The following HS6ST3 variants were observed in gnomAD, a reference collection of about 807,000 sequenced individuals.
HS6ST3 encodes heparan-sulfate 6-O-sulfotransferase 3.
HS6ST3 carries 12 observed loss-of-function variants against 36.7 expected under a neutral mutation model. That is an observed-to-expected ratio of 0.33 (90% CI 0.21 to 0.53). The LOEUF is 0.53. Among genes scored for constraint, HS6ST3 ranks in the 20% least tolerant of loss-of-function variants. HS6ST3 has a pLI of 0.95. For synonymous variants in HS6ST3, 240 were observed against 257.5 expected, an observed-to-expected ratio of 0.93 and a Z score of 0.65; for missense variants, 584 against 640.9, an observed-to-expected ratio of 0.91 and a Z score of 0.96.
chr13:96,111,585 T>G (rs116698222), intron 1 of HS6ST3, among the ~76,000 whole-genome samples: 2,483 of 152,346 alleles, frequency 0.016, 59 homozygotes, highest in African/African-American at 0.057. Flanking sequence ...AGGAATTTTT[T>G]GCTTAAAGGG....
chr13:96,416,722 G>T, intron 1 of HS6ST3, among the ~76,000 whole-genome samples: 1 of 146,652 alleles, frequency 6.8e-6, no homozygotes, highest in African/African-American at 2.5e-5. Flanking sequence ...GGGCTTGCCT[G>T]CTTGCTTATC....
At chr13:96,432,900 G>A (rs2055622444) in intron 1 of HS6ST3, among the ~76,000 whole-genome samples, 1 of 152,154 alleles carries the variant, frequency 6.6e-6, no homozygotes, top group African/African-American at 2.4e-5. Flanking sequence ...ACTGGCAAAT[G>A]TATAAAATAA....
intron 1 of HS6ST3, among the ~76,000 whole-genome samples, chr13:96,177,275 A>G (rs2054216957): frequency 6.6e-6 from 1 of 152,200 alleles, no homozygotes; most frequent in South Asian, 2.1e-4. Flanking sequence ...TACTGGGTAT[A>G]TACTCAGATT....
intron 1 of HS6ST3, among the ~76,000 whole-genome samples, chr13:96,447,702 C>T (rs992150642): frequency 5.9e-5 from 9 of 152,110 alleles, no homozygotes; most frequent in South Asian, 2.1e-4. Flanking sequence ...TCTAGGGCTA[C>T]GTGAATGACA....
At chr13:96,614,979 A>G (rs1192674674) in intron 1 of HS6ST3, among the ~76,000 whole-genome samples, 1 of 152,184 alleles carries the variant, frequency 6.6e-6, no homozygotes, top group Non-Finnish European at 1.5e-5. Context: ...ATCTGAGGGT[A>G]GAGTTTGGCA....
At chr13:96,443,761 T>C (rs2055685257) in intron 1 of HS6ST3, among the ~76,000 whole-genome samples, 2 of 152,194 alleles carry the variant, frequency 1.3e-5, no homozygotes, top group South Asian at 4.1e-4. Context: ...TATTTGTTGT[T>C]TGAATGGAGA....
intron 1 of HS6ST3, among the ~76,000 whole-genome samples, chr13:96,619,654 A>G (rs1376190176): frequency 6.6e-6 from 1 of 152,274 alleles, no homozygotes; most frequent in Non-Finnish European, 1.5e-5. Flanking sequence ...GTAATGTACC[A>G]TAAATAAGTG....
At chr13:96,431,162 C>T (rs569526398) in intron 1 of HS6ST3, among the ~76,000 whole-genome samples, 16 of 152,024 alleles carry the variant, frequency 1.1e-4, no homozygotes, top group Non-Finnish European at 1.9e-4. Context: ...CGAGATTGCT[C>T]CACTGCGCTC....
intron 1 of HS6ST3, among the ~76,000 whole-genome samples, chr13:96,610,036 G>A (rs1193806701): frequency 2.0e-5 from 3 of 152,272 alleles, no homozygotes; most frequent in African/African-American, 7.2e-5. Context: ...ACACAAGCAC[G>A]TGGGAGGGAG....
intron 1 of HS6ST3, among the ~76,000 whole-genome samples, chr13:96,402,872 A>G (rs1270352265): frequency 6.6e-6 from 1 of 152,230 alleles, no homozygotes; most frequent in African/African-American, 2.4e-5. Flanking sequence ...ATTGCAATAC[A>G]TATTTTTATA....
intron 1 of HS6ST3, among the ~76,000 whole-genome samples, chr13:96,564,767 T>C (rs780041369): frequency 1.3e-5 from 2 of 152,070 alleles, no homozygotes; most frequent in Admixed American, 1.3e-4. Flanking sequence ...AATTGACCAC[T>C]GGAATAGTCC....
chr13:96,243,476 C>A (rs1471544431), intron 1 of HS6ST3, among the ~76,000 whole-genome samples: 1 of 152,068 alleles, frequency 6.6e-6, no homozygotes, highest in Non-Finnish European at 1.5e-5. Context: ...TTTGTTAAAC[C>A]ACCTTGATAA....
chr13:96,375,166 C>T (rs1159992373), intron 1 of HS6ST3, among the ~76,000 whole-genome samples: 1 of 152,110 alleles, frequency 6.6e-6, no homozygotes, highest in Non-Finnish European at 1.5e-5. Context: ...TTGCCTTGTT[C>T]CTTCTCACTC....
chr13:96,831,971 A>AAAAAAAAAAAAAC (rs1200840761), intron 1 of HS6ST3, among the ~76,000 whole-genome samples: 10 of 148,280 alleles, frequency 6.7e-5, no homozygotes, highest in African/African-American at 2.5e-4. Context: ...AAAAAAAAAA[A>AAAAAAAAAAAAAC]AAAAAAAAAC....
intron 1 of HS6ST3, among the ~76,000 whole-genome samples, chr13:96,349,340 A>G (rs908591557): frequency 2.0e-5 from 3 of 152,120 alleles, no homozygotes; most frequent in Non-Finnish European, 2.9e-5. Flanking sequence ...TGTGTTCTAC[A>G]TTATATTCTT....
At chr13:96,682,784 A>G (rs1049591013) in intron 1 of HS6ST3, among the ~76,000 whole-genome samples, 25 of 152,148 alleles carry the variant, frequency 1.6e-4, no homozygotes, top group African/African-American at 5.8e-4. Flanking sequence ...GCAACCTTGC[A>G]TCAGTTGATG....
At chr13:96,330,036 T>C (rs968854838) in intron 1 of HS6ST3, among the ~76,000 whole-genome samples, 1 of 150,266 alleles carries the variant, frequency 6.7e-6, no homozygotes, top group Non-Finnish European at 1.5e-5. Flanking sequence ...ATTTGCTTGG[T>C]AGATCTTCCA....
rs532410800 is a variant in HS6ST3 at position 96,431,866 on chromosome 13, G to A, written c.707+340297G>A. 4.6e-5 allele frequency among the ~76,000 whole-genome samples: 7 copies of A among 152,162 alleles called. No individual in the cohort carries two copies. In the South Asian group the frequency reaches 1.0e-3, roughly 23 times the overall value. Reference sequence around the variant, plus strand: ...TCTTCAAACTTTCCACTGTACAATCGGTTATTTGTTTTATATAGTCATAAC... The same window carrying A: ...TCTTCAAACTTTCCACTGTACAATCAGTTATTTGTTTTATATAGTCATAAC... On this transcript the variant is annotated intron_variant, in intron 1 of 1. Coordinates refer to ENST00000376705, the MANE Select transcript of HS6ST3 (RefSeq NM_153456.4).
At chr13:96,622,140 G>A (rs2138995369) in intron 1 of HS6ST3, among the ~76,000 whole-genome samples, 1 of 152,156 alleles carries the variant, frequency 6.6e-6, no homozygotes, top group Admixed American at 6.5e-5. Flanking sequence ...TTGAAATTGT[G>A]GCTGATTTCT....
Sources: allele counts gnomAD v4.1 joint callset (sites outside exome capture counted in the v4.1 genomes callset), GRCh38; gene constraint gnomAD v4.1.1; transcripts MANE v1.5; gene names NCBI Gene and HGNC (gene_info 2026-07-23, HGNC 2026-07-21).